ATP6V1E2: variants seen among roughly 807,000 people sequenced by gnomAD.
The protein encoded by ATP6V1E2 is V-type proton ATPase subunit E 2.
For synonymous variants in ATP6V1E2, 121 were observed against 104.2 expected, an observed-to-expected ratio of 1.16 and a Z score of -0.98; for missense variants, 308 against 273.3, an observed-to-expected ratio of 1.13 and a Z score of -0.90.
intron 2 of ATP6V1E2, among the ~76,000 whole-genome samples, chr2:46,539,378 T>C (rs1005045407): frequency 2.0e-5 from 3 of 152,178 alleles, no homozygotes; most frequent in Non-Finnish European, 4.4e-5. Flanking sequence ...CCCCTCTGAG[T>C]GGATGCACCC....
At chr2:46,532,970 T>C (rs1159844285) in intron 4 of ATP6V1E2, among the ~76,000 whole-genome samples, 4 of 152,000 alleles carry the variant, frequency 2.6e-5, no homozygotes, top group African/African-American at 9.7e-5. Flanking sequence ...TCTATCCCTT[T>C]TGTTATTATT....
intron 4 of ATP6V1E2, among the ~76,000 whole-genome samples, chr2:46,514,467 T>C (rs760694408): frequency 5.9e-5 from 9 of 151,716 alleles, no homozygotes; most frequent in Admixed American, 6.6e-5. Flanking sequence ...TCAAAAGAGA[T>C]ATAGAAAATA....
rs766061584 is a variant in ATP6V1E2 at position 46,511,998 on chromosome 2, A to T, written c.*33T>A. 6.6e-7 allele frequency: 1 copy of T among 1,524,754 alleles called. No individual in the cohort carries two copies. Among genetic ancestry groups the T allele is most frequent in the Non-Finnish European group, 8.8e-7 (1 of 1,138,418 alleles). The allele number at this position is 1,524,754 out of a possible 1,614,324, so 94.5% of individuals were successfully genotyped here. On this transcript the variant is annotated 3_prime_UTR_variant, in exon 5 of 5. Coordinates refer to ENST00000522587, the MANE Select transcript of ATP6V1E2 (RefSeq NM_001318063.2). ...CAAAAAACTTAAACTTTTATGGTTT[A>T]GTGGTTCAACACTAGCTTCACTTCC... is the stretch of plus-strand genomic sequence containing the variant.
chr2:46,527,500 C>T (rs1446551210), intron 4 of ATP6V1E2, among the ~76,000 whole-genome samples: 7 of 152,024 alleles, frequency 4.6e-5, no homozygotes, highest in South Asian at 2.1e-4. Flanking sequence ...GGATTACAGG[C>T]GGGAGCTACC....
At position 46,512,872 on chromosome 2, in the gene ATP6V1E2, A is replaced by G. The variant is rs1687539862; in HGVS notation, c.-101-60T>C. ...CAGAGGCTATAGAGGAGGATTACAG[A>G]GACTGTATATATACCCCTCACTTCA... On this transcript the variant is annotated intron_variant, in intron 4 of 4. Transcript: ENST00000522587. 8 of 642,090 alleles carry G rather than the reference A, an allele frequency of 1.2e-5. No homozygotes were observed. The South Asian group carries it at 1.6e-4, about 13-fold the overall frequency. 39.8% of individuals were successfully genotyped at this position (642,090 alleles called of 1,614,324 possible). A position where few individuals can be genotyped will look rare whatever the true frequency, so the allele number is the denominator to read the frequency against.
At chr2:46,526,376 A>G (rs1666920840) in intron 4 of ATP6V1E2, among the ~76,000 whole-genome samples, 1 of 152,282 alleles carries the variant, frequency 6.6e-6, no homozygotes, top group East Asian at 1.9e-4. Flanking sequence ...TCAGCCTCCC[A>G]AAGTGCTGGG....
intron 4 of ATP6V1E2, 27 bp from the exon 5 acceptor site, chr2:46,512,839 G>C: frequency 1.3e-6 from 1 of 765,512 alleles, no homozygotes; most frequent in Non-Finnish European, 2.1e-6. Flanking sequence ...GAGGATGAAA[G>C]AGAAAGTCAG....
At chr2:46,517,358 A>G (rs1355800323) in intron 4 of ATP6V1E2, among the ~76,000 whole-genome samples, 1 of 152,354 alleles carries the variant, frequency 6.6e-6, no homozygotes, top group East Asian at 1.9e-4. Context: ...ACTTAAATGT[A>G]AGGCCTGAAA....
intron 4 of ATP6V1E2, among the ~76,000 whole-genome samples, chr2:46,515,757 A>G (rs985474179): frequency 6.6e-6 from 1 of 152,244 alleles, no homozygotes; most frequent in Non-Finnish European, 1.5e-5. Context: ...AAAAATAAAC[A>G]AGATCTTACT....
chr2:46,517,827 T>A (rs756197498), intron 4 of ATP6V1E2, among the ~76,000 whole-genome samples: 1 of 152,072 alleles, frequency 6.6e-6, no homozygotes, highest in Non-Finnish European at 1.5e-5. Flanking sequence ...CATTATTTTT[T>A]AAAAAAAGAA....
At chr2:46,516,814 A>C (rs1687730788) in intron 4 of ATP6V1E2, among the ~76,000 whole-genome samples, 1 of 152,196 alleles carries the variant, frequency 6.6e-6, no homozygotes, top group Non-Finnish European at 1.5e-5. Context: ...AAAAGTATAA[A>C]ACATTGCTGA....
intron 4 of ATP6V1E2, among the ~76,000 whole-genome samples, chr2:46,521,633 G>A (rs1666630864): frequency 6.6e-6 from 1 of 152,192 alleles, no homozygotes; most frequent in Non-Finnish European, 1.5e-5. Flanking sequence ...CTCCTTTGGG[G>A]GATTTTAAAT....
chr2:46,528,189 A>G (rs868858864), intron 4 of ATP6V1E2: 6 of 152,270 alleles, frequency 3.9e-5, no homozygotes, highest in Non-Finnish European at 7.3e-5. Flanking sequence ...ATGTATGTGT[A>G]TGTATTCCAG....
At chr2:46,518,758 T>TGTG in intron 4 of ATP6V1E2, among the ~76,000 whole-genome samples, 1 of 140,716 alleles carries the variant, frequency 7.1e-6, no homozygotes, top group South Asian at 2.3e-4. Flanking sequence ...CAAGTCAATT[T>TGTG]TGTGTGTGTG....
chr2:46,518,175 AG>A (rs1184698009), intron 4 of ATP6V1E2, among the ~76,000 whole-genome samples: 1 of 152,236 alleles, frequency 6.6e-6, no homozygotes, highest in African/African-American at 2.4e-5. Context: ...TTAAAAAGGA[AG>A]AAAATCCTGT....
At chr2:46,518,105 C>T (rs1666375471) in intron 4 of ATP6V1E2, among the ~76,000 whole-genome samples, 1 of 152,136 alleles carries the variant, frequency 6.6e-6, no homozygotes, top group African/African-American at 2.4e-5. Flanking sequence ...AATCTACAAG[C>T]TTACTGATGG....
In ATP6V1E2 at chr2:46,542,249, C is replaced by T. The variant is rs1224793378; in HGVS notation, c.-406G>A. ...GTCTCTCCTCCTTGATTTCTAGTTC[C>T]GTTGTGCACTTAGAGGCCGAGAGGA... On this transcript the variant is annotated 5_prime_UTR_variant, in exon 1 of 5. Coordinates refer to ENST00000522587, the MANE Select transcript of ATP6V1E2 (RefSeq NM_001318063.2). The T allele has an allele frequency of 5.3e-5, 8 of 150,244 alleles. No homozygotes were observed. Among genetic ancestry groups the T allele is most frequent in the African/African-American group, 2.0e-4 (8 of 40,976 alleles). The allele number at this position is 150,244 out of a possible 1,614,324, so 9.3% of individuals were successfully genotyped here.
intron 1 of ATP6V1E2, chr2:46,541,697 G>A (rs181541445): frequency 1.3e-5 from 2 of 152,402 alleles, no homozygotes; most frequent in Admixed American, 6.5e-5. Flanking sequence ...AAGTTGAGGG[G>A]AGGGGTGCGG....
intron 4 of ATP6V1E2, among the ~76,000 whole-genome samples, chr2:46,517,612 T>C (rs1200994885): frequency 6.6e-6 from 1 of 152,154 alleles, no homozygotes; most frequent in African/African-American, 2.4e-5. Context: ...CCAGAATACA[T>C]AAGGAACTTT....
Sources: gnomAD v4.1 joint callset for allele counts (sites outside exome capture counted in the v4.1 genomes callset) on GRCh38, gnomAD v4.1.1 for gene constraint, MANE v1.5 for transcripts, NCBI Gene and HGNC (gene_info 2026-07-23, HGNC 2026-07-21) for gene names.